The following GALNT18 variants were observed in gnomAD, a reference collection of about 807,000 sequenced individuals.
The protein encoded by GALNT18 is GalNAc-transferase 18.
Under a neutral mutation model 69.5 loss-of-function variants are expected in GALNT18, and 44 were observed. The observed-to-expected ratio is 0.63, with a 90% CI of 0.50 to 0.81. The LOEUF (loss-of-function observed/expected upper bound fraction) is 0.81, where lower values mean the gene tolerates loss of function less well. Among genes scored for constraint, GALNT18 ranks in the 40% least tolerant of loss-of-function variants. The pLI, the probability that GALNT18 is intolerant of heterozygous loss-of-function variation, is 0.00. For synonymous variants in GALNT18, 364 were observed against 318.2 expected (o/e 1.14, Z -1.53); for missense variants, 715 against 810.0 (o/e 0.88, Z 1.42).
intron 6 of GALNT18, among the ~76,000 whole-genome samples, chr11:11,368,642 G>A (rs1850826534): frequency 6.6e-6 from 1 of 151,970 alleles, no homozygotes; most frequent in African/African-American, 2.4e-5. Flanking sequence ...CCCATCTGTT[G>A]AGCTTTTGTC....
chr11:11,554,595 T>C (rs1858283298), intron 1 of GALNT18, among the ~76,000 whole-genome samples: 1 of 152,048 alleles, frequency 6.6e-6, no homozygotes, highest in Non-Finnish European at 1.5e-5. Context: ...TTTAGTGTGA[T>C]TAATGTATTT....
rs183966629 is a variant in GALNT18 at position 11,540,872 on chromosome 11, A to G, written c.235+80487T>C. ...TGGTGGTGGTGCTGTCTATTCAGAC[A>G]CTGGGTTGTCAGAAGGAAAATGGGT... On this transcript the variant is annotated intron_variant, in intron 1 of 10. Coordinates refer to ENST00000227756, the MANE Select transcript of GALNT18 (RefSeq NM_198516.3). The surrounding 1 kb of genome is among the most constrained non-coding windows in gnomAD (Gnocchi z 4.6). 1.1e-3 allele frequency among the ~76,000 whole-genome samples: 160 copies of G among 152,330 alleles called. 1 individual carries two copies. Among genetic ancestry groups the G allele is most frequent in the African/African-American group, 3.7e-3 (152 of 41,574 alleles).
rs1855308821 is a variant in GALNT18, at chr11:11,432,938, C to T, written c.429-151G>A. On this transcript the variant is annotated intron_variant, in intron 2 of 10. Coordinates refer to ENST00000227756, the MANE Select transcript of GALNT18 (RefSeq NM_198516.3). This position sits in a 1 kb window ranked among gnomAD's most constrained non-coding sequence, Gnocchi z 5.8. The stretch of plus-strand genomic sequence containing the variant: ...CTTCTTTGATGCACTTAAGATGAGC[C>T]CTAAATGTCCAGCAGAAAGGCCCAC... 3 of 686,282 alleles carry T rather than the reference C, an allele frequency of 4.4e-6. No individual in the cohort carries two copies. Among genetic ancestry groups the T allele is most frequent in the East Asian group, 5.5e-5 (2 of 36,506 alleles). The allele number at this position is 686,282 out of a possible 1,614,324, so 42.5% of individuals were successfully genotyped here. A position where few individuals can be genotyped will look rare whatever the true frequency, so the allele number is the denominator to read the frequency against.
chr11:11,510,946 A>G (rs538626495), intron 1 of GALNT18, among the ~76,000 whole-genome samples: 5 of 151,862 alleles, frequency 3.3e-5, no homozygotes, highest in Non-Finnish European at 5.9e-5. Context: ...TACCACCTCT[A>G]CATGCCTCTC....
chr11:11,360,559 A>C (rs1212830913), intron 6 of GALNT18, among the ~76,000 whole-genome samples: 2 of 152,128 alleles, frequency 1.3e-5, no homozygotes, highest in Non-Finnish European at 2.9e-5. Context: ...ACTGGGGTTA[A>C]CACTTTTTTG....
intron 3 of GALNT18, among the ~76,000 whole-genome samples, chr11:11,385,446 C>T (rs1854030098): frequency 6.6e-6 from 1 of 151,436 alleles, no homozygotes; most frequent in Non-Finnish European, 1.5e-5. Context: ...CAGGCGCTCG[C>T]CACCACATCC....
chr11:11,380,490 C>T (rs1025709602), intron 3 of GALNT18, among the ~76,000 whole-genome samples: 16 of 152,226 alleles, frequency 1.1e-4, no homozygotes, highest in Non-Finnish European at 1.5e-5. Flanking sequence ...CTGGGCTATA[C>T]AGAATAGAAG....
At chr11:11,579,949 A>G (rs1197017684) in intron 1 of GALNT18, among the ~76,000 whole-genome samples, 2 of 152,186 alleles carry the variant, frequency 1.3e-5, no homozygotes, top group Non-Finnish European at 2.9e-5. Flanking sequence ...TGAAAACTCA[A>G]CAAAAGATGT....
chr11:11,460,115 T>G (rs1162840915), intron 1 of GALNT18, among the ~76,000 whole-genome samples: 1 of 152,178 alleles, frequency 6.6e-6, no homozygotes, highest in Non-Finnish European at 1.5e-5. Context: ...ACCTGGGCAA[T>G]ACAGGCTACT....
intron 1 of GALNT18, among the ~76,000 whole-genome samples, chr11:11,519,983 G>A (rs923895858): frequency 1.3e-5 from 2 of 152,198 alleles, no homozygotes; most frequent in South Asian, 2.1e-4. Context: ...CCAAAGACCC[G>A]GAAGAGGTCA....
chr11:11,550,098 C>T (rs958336390), intron 1 of GALNT18, among the ~76,000 whole-genome samples: 5 of 152,226 alleles, frequency 3.3e-5, no homozygotes, highest in African/African-American at 9.7e-5. Context: ...AGCAGCATTA[C>T]AGGGTGTTAC....
At chr11:11,556,255 A>G (rs938775496) in intron 1 of GALNT18, among the ~76,000 whole-genome samples, 1 of 152,252 alleles carries the variant, frequency 6.6e-6, no homozygotes, top group African/African-American at 2.4e-5. Flanking sequence ...AGGACTGTGC[A>G]GCTTGGAAAA....
rs182534093 is a variant in GALNT18 at position 11,591,286 on chromosome 11, T to A, written c.235+30073A>T. Among the ~76,000 whole-genome samples, 110 of 152,258 alleles carry A rather than the reference T, an allele frequency of 7.2e-4. 1 individual carries two copies. Among genetic ancestry groups the A allele is most frequent in the Non-Finnish European group, 5.0e-4 (34 of 68,018 alleles). On this transcript the variant is annotated intron_variant, in intron 1 of 10. Transcript: ENST00000227756. This position sits in a 1 kb window ranked among gnomAD's most constrained non-coding sequence, Gnocchi z 4.8. ...TAGGCAATATTATCGTTGTGCAAAC[T>A]TTATGAAGTTTGCACACTGATAATA...
intron 3 of GALNT18, among the ~76,000 whole-genome samples, chr11:11,398,226 C>A (rs1854379556): frequency 6.6e-6 from 1 of 152,160 alleles, no homozygotes; most frequent in Non-Finnish European, 1.5e-5. Context: ...AAGCGTGTTC[C>A]TTCTGTGTCC....
At chr11:11,485,535 C>G (rs746880745) in intron 1 of GALNT18, among the ~76,000 whole-genome samples, 1 of 152,186 alleles carries the variant, frequency 6.6e-6, no homozygotes, top group African/African-American at 2.4e-5. Context: ...GGATGAAGAC[C>G]AACTATGCAT....
chr11:11,485,417 T>G (rs1856622527), intron 1 of GALNT18, among the ~76,000 whole-genome samples: 2 of 152,216 alleles, frequency 1.3e-5, no homozygotes, highest in African/African-American at 4.8e-5. Context: ...TACTTATGTT[T>G]ACCAGTGTAT....
chr11:11,408,003 A>G (rs1819069112), intron 3 of GALNT18, among the ~76,000 whole-genome samples: 1 of 152,224 alleles, frequency 6.6e-6, no homozygotes, highest in South Asian at 2.1e-4. Flanking sequence ...CTCCCTGAGG[A>G]GTTTACAATA....
rs926750175 is a variant in GALNT18 at position 11,415,986 on chromosome 11, C to T, written c.595+16635G>A. 3.3e-5 allele frequency among the ~76,000 whole-genome samples: 5 copies of T among 152,226 alleles called. No homozygotes were observed. Among genetic ancestry groups the T allele is most frequent in the African/African-American group, 4.8e-5 (2 of 41,460 alleles). Reference sequence around the variant, plus strand: ...CTTTTCGGAGAAAATAAAATCACTTCAGCCTCATGCTTGAGCAGCCCTGGT... The same window carrying T: ...CTTTTCGGAGAAAATAAAATCACTTTAGCCTCATGCTTGAGCAGCCCTGGT... On this transcript the variant is annotated intron_variant, in intron 3 of 10. Coordinates refer to ENST00000227756, the MANE Select transcript of GALNT18 (RefSeq NM_198516.3). The surrounding 1 kb of genome is among the most constrained non-coding windows in gnomAD (Gnocchi z 4.1).
chr11:11,293,918 G>A (rs1330198769), intron 9 of GALNT18, among the ~76,000 whole-genome samples: 2 of 144,784 alleles, frequency 1.4e-5, no homozygotes, highest in Non-Finnish European at 3.0e-5. Flanking sequence ...TGGGATGGGA[G>A]ATGTATAACA....
Sources: gnomAD v4.1 joint callset for allele counts (sites outside exome capture counted in the v4.1 genomes callset) on GRCh38, gnomAD v4.1.1 for gene constraint, Gnocchi (gnomAD v3.1) non-coding constraint, MANE v1.5 for transcripts, NCBI Gene and HGNC (gene_info 2026-07-23, HGNC 2026-07-21) for gene names.